Variants in ERC2 observed in about 807,000 individuals in gnomAD.
The protein encoded by ERC2 is ELKS/RAB6-interacting/CAST family member 2.
ERC2 carries 42 observed loss-of-function variants against 114.8 expected under a neutral mutation model. The observed-to-expected ratio is 0.37, with a 90% CI of 0.29 to 0.47. ERC2 has a LOEUF of 0.47. Among genes scored for constraint, ERC2 ranks in the 20% least tolerant of loss-of-function variants. ERC2 has a pLI of 0.99. For missense variants in ERC2, 939 were observed against 1,150.7 expected (o/e 0.82, Z 2.66); for synonymous variants, 454 against 425.5 (o/e 1.07, Z -0.82).
At chr3:56,090,474 G>T (rs1216348293) in intron 6 of ERC2, among the ~76,000 whole-genome samples, 4 of 152,102 alleles carry the variant, frequency 2.6e-5, no homozygotes. Flanking sequence ...GAAACATACG[G>T]TTGTAAGGTT....
chr3:56,198,609 T>C (rs1241962738), intron 3 of ERC2, among the ~76,000 whole-genome samples: 1 of 152,158 alleles, frequency 6.6e-6, no homozygotes, highest in Non-Finnish European at 1.5e-5. Context: ...ACTGAGTACA[T>C]GAAAGTGCTA....
intron 17 of ERC2, among the ~76,000 whole-genome samples, chr3:55,537,413 A>G (rs1273495688): frequency 2.6e-5 from 4 of 152,244 alleles, no homozygotes; most frequent in Non-Finnish European, 5.9e-5. Flanking sequence ...AGTCTGGTCC[A>G]AAGGGAGGCT....
rs547225870 is a variant in ERC2 at position 55,744,593 on chromosome 3, C to T, written c.2565-9675G>A. 2.0e-4 allele frequency among the ~76,000 whole-genome samples: 30 copies of T among 152,270 alleles called. 1 individual carries two copies. The highest frequency in any genetic ancestry group is 4.1e-4 in the South Asian group (2 of 4,820). ...TGCTTTCAGACCGATTGCGGGCCAC[C>T]GCTTCATTTACATGAGGTGAGCACC... On this transcript the variant is annotated intron_variant, in intron 14 of 17. Coordinates refer to ENST00000288221, the MANE Select transcript of ERC2 (RefSeq NM_015576.3).
chr3:56,149,891 C>A (rs1362490035), intron 4 of ERC2, among the ~76,000 whole-genome samples: 2 of 152,020 alleles, frequency 1.3e-5, no homozygotes, highest in South Asian at 4.1e-4. Flanking sequence ...ATGACAGACT[C>A]TATACACAAG....
At chr3:56,023,985 C>T (rs2073894860) in intron 7 of ERC2, among the ~76,000 whole-genome samples, 2 of 152,294 alleles carry the variant, frequency 1.3e-5, no homozygotes, top group South Asian at 4.1e-4. Context: ...GTTACAGTTT[C>T]AAATATACCC....
chr3:55,675,806 A>C (rs1350946032), intron 17 of ERC2, among the ~76,000 whole-genome samples: 1 of 148,332 alleles, frequency 6.7e-6, no homozygotes, highest in Non-Finnish European at 1.5e-5. Context: ...TTCAAATGTT[A>C]TTAATAATTC....
chr3:55,749,693 G>T (rs550448021), intron 14 of ERC2, among the ~76,000 whole-genome samples: 4 of 152,292 alleles, frequency 2.6e-5, no homozygotes, highest in South Asian at 4.1e-4. Flanking sequence ...GACAGAAACA[G>T]AACATGGGCG....
intron 2 of ERC2, among the ~76,000 whole-genome samples, chr3:56,425,834 C>A (rs990049422): frequency 6.6e-6 from 1 of 152,140 alleles, no homozygotes; most frequent in African/African-American, 2.4e-5. Flanking sequence ...GACCAAACAA[C>A]AGTGACTTAG....
At chr3:56,006,783 C>CA (rs1306869196) in intron 10 of ERC2, among the ~76,000 whole-genome samples, 1 of 151,838 alleles carries the variant, frequency 6.6e-6, no homozygotes, top group East Asian at 1.9e-4. Context: ...AGTTCTGGTA[C>CA]AAAAAAATGA....
At chr3:55,848,156 C>A (rs920514875) in intron 14 of ERC2, among the ~76,000 whole-genome samples, 16 of 152,140 alleles carry the variant, frequency 1.1e-4, no homozygotes, top group Non-Finnish European at 1.9e-4. Context: ...AACTAAGTAA[C>A]TGAAAAAACT....
At chr3:56,275,600 T>G (rs938620284) in intron 3 of ERC2, among the ~76,000 whole-genome samples, 1 of 152,222 alleles carries the variant, frequency 6.6e-6, no homozygotes, top group Non-Finnish European at 1.5e-5. Flanking sequence ...GATCAGTGCA[T>G]CTCAGACCTT....
chr3:55,743,589 C>T (rs1212222261), intron 14 of ERC2, among the ~76,000 whole-genome samples: 1 of 78,946 alleles, frequency 1.3e-5, no homozygotes, highest in African/African-American at 4.1e-5. Context: ...TGTGCCTGAT[C>T]CACCAAAAAA....
In ERC2 at chr3:55,866,143, C is replaced by T. The variant is rs140583044; in HGVS notation, c.2564+22246G>A. On this transcript the variant is annotated intron_variant, in intron 14 of 17. Coordinates refer to ENST00000288221, the MANE Select transcript of ERC2 (RefSeq NM_015576.3). ...TAATTGCCTGTCTTTTTTCTGATAA[C>T]CATCCTAGTGGATGTAAAGTGGTAT... Among the ~76,000 whole-genome samples the T allele has an allele frequency of 4.1e-3, 620 of 152,242 alleles. 1 individual carries two copies. Among genetic ancestry groups the T allele is most frequent in the Admixed American group, 7.7e-3 (118 of 15,282 alleles).
chr3:56,462,679 G>GCT (rs1373910673), intron 1 of ERC2, among the ~76,000 whole-genome samples: 8 of 152,152 alleles, frequency 5.3e-5, no homozygotes, highest in Non-Finnish European at 1.2e-4. Context: ...GGTTGGGCAA[G>GCT]TCCTTAACCC....
intron 16 of ERC2, among the ~76,000 whole-genome samples, chr3:55,692,444 A>G (rs2148806656): frequency 6.6e-6 from 1 of 152,316 alleles, no homozygotes; most frequent in Non-Finnish European, 1.5e-5. Context: ...GCCTCCAGCC[A>G]CAACATCGAT....
chr3:55,532,527 G>T (rs2053735641), intron 17 of ERC2, among the ~76,000 whole-genome samples: 1 of 152,148 alleles, frequency 6.6e-6, no homozygotes, highest in Admixed American at 6.5e-5. Context: ...CATGAACCAG[G>T]TGTCAAGTAC....
chr3:56,133,171 C>T (rs995630461), intron 6 of ERC2, among the ~76,000 whole-genome samples: 13 of 152,198 alleles, frequency 8.5e-5, no homozygotes, highest in African/African-American at 2.7e-4. Context: ...GACATGGTGG[C>T]TCACGCCTGT....
chr3:55,943,040 T>C (rs1211856350), intron 13 of ERC2, among the ~76,000 whole-genome samples: 1 of 152,144 alleles, frequency 6.6e-6, no homozygotes, highest in African/African-American at 2.4e-5. Context: ...GCACTGTAAT[T>C]TGCAGGTGCC....
intron 14 of ERC2, among the ~76,000 whole-genome samples, chr3:55,868,104 T>A (rs919118614): frequency 6.6e-6 from 1 of 152,310 alleles, no homozygotes; most frequent in East Asian, 1.9e-4. Flanking sequence ...ATGTGTACGT[T>A]TCTACATATT....
Sources: gnomAD v4.1 joint callset for allele counts (sites outside exome capture counted in the v4.1 genomes callset) on GRCh38, gnomAD v4.1.1 for gene constraint, MANE v1.5 for transcripts, NCBI Gene and HGNC (gene_info 2026-07-23, HGNC 2026-07-21) for gene names.